The following DMAC2L variants were observed in gnomAD, a reference collection of about 807,000 sequenced individuals.
The protein encoded by DMAC2L is distal membrane arm assembly component 2 like.
Under a neutral mutation model 22.5 loss-of-function variants are expected in DMAC2L, and 21 were observed. The ratio of observed to expected loss-of-function variants is 0.93; its 90% confidence interval spans 0.66 to 1.34. DMAC2L has a LOEUF of 1.34. Among genes scored for constraint, DMAC2L ranks in the 40% most tolerant of loss-of-function variants. The probability of loss-of-function intolerance (pLI) is 0.00; values close to 1 mark genes in which losing one functional copy is unlikely to be tolerated. For synonymous variants in DMAC2L, 86 were observed against 89.5 expected, an observed-to-expected ratio of 0.96 and a Z score of 0.22; for missense variants, 239 against 246.5, an observed-to-expected ratio of 0.97 and a Z score of 0.20.
rs1326852613 is a variant in DMAC2L at position 50,325,720 on chromosome 14, G to A, written c.600G>A (p.Lys200=). The part of the protein sequence containing the change: ...LPSLELKLQL[K] ...CTCTGGAACTAAAATTACAATTGAAGTAAAATAATGTGTCTTATTTCAGTA... is the reference window on the plus strand; with the variant it reads ...CTCTGGAACTAAAATTACAATTGAAATAAAATAATGTGTCTTATTTCAGTA... Residue 200 remains lysine (K), a synonymous_variant, in exon 6 of 6, where the codon AAG becomes AAA. Coordinates refer to ENST00000557421, the MANE Select transcript of DMAC2L (RefSeq NM_001382507.1). The A allele has an allele frequency of 6.2e-7, 1 of 1,607,180 alleles. No individual in the cohort carries two copies. Among genetic ancestry groups the A allele is most frequent in the Admixed American group, 1.7e-5 (1 of 59,006 alleles).
chr14:50,324,122 T>C lies in DMAC2L; in HGVS notation c.488+6T>C. ...ATTGCTTTGCGTCATTTAAGGTAGA[T>C]GATCAAAGCCAAAGTGGAAACTTGA... is the stretch of plus-strand genomic sequence containing the variant. On this transcript the variant is annotated splice_donor_region_variant and intron_variant, in intron 5 of 5. Transcript: ENST00000557421. The C allele has an allele frequency of 6.2e-7, 1 of 1,601,258 alleles. No individual in the cohort carries two copies. Among genetic ancestry groups the C allele is most frequent in the Non-Finnish European group, 8.5e-7 (1 of 1,173,892 alleles).
chr14:50,311,971 G>T (rs577072351), upstream of DMAC2L: 9 of 1,543,328 alleles, frequency 5.8e-6, no homozygotes, highest in Non-Finnish European at 7.8e-6. Flanking sequence ...TCCGCGAGGG[G>T]CAGCAGCGCA....
intron 2 of DMAC2L, among the ~76,000 whole-genome samples, chr14:50,317,614 C>G (rs548389399): frequency 6.6e-6 from 1 of 152,070 alleles, no homozygotes; most frequent in Admixed American, 6.5e-5. Flanking sequence ...ACTAAAAATA[C>G]AAAAAATTAG....
At chr14:50,312,067 C>A (rs1435831233), upstream of DMAC2L, 6 of 1,599,222 alleles carry the variant, frequency 3.8e-6, no homozygotes, top group East Asian at 1.4e-4. Context: ...CAGACGCGAA[C>A]CCGCACGCCC....
intron 1 of DMAC2L, chr14:50,312,674 G>A (rs1049466682): frequency 8.6e-6 from 2 of 233,192 alleles, no homozygotes; most frequent in African/African-American, 2.5e-5. Context: ...GCTCGGCCCC[G>A]CACGCGGCCC....
chr14:50,321,522 G>C lies in DMAC2L; in HGVS notation c.35G>C (p.Cys12Ser). 6.2e-7 allele frequency: 1 copy of C among 1,614,108 alleles called. No individual in the cohort carries two copies. The highest frequency in any genetic ancestry group is 2.2e-5 in the East Asian group (1 of 44,870). The stretch of plus-strand genomic sequence containing the variant: ...TTTGGAAAAATTTCCCAGCAGTTGT[G>C]TGGCGTAAAGAAACTCCCATGGTCA... ...MPFGKISQQL[C>S]GVKKLPWSCD... The change falls in exon 3 of 6, where the codon TGT becomes TCT. Residue 12 changes from cysteine to serine, a missense_variant. By Grantham distance (112) the Cys-to-Ser change is moderately radical. Transcript: ENST00000557421.
At position 50,325,674 on chromosome 14, in the gene DMAC2L, C is replaced by G. The variant is rs2032666812; in HGVS notation, c.554C>G (p.Ala185Gly). ...GVREKENLVQ[A>G]FKTALPSLEL... ...AGAGAAAAAGAAAATCTTGTCCAAG[C>G]CTTTAAGACAGCACTGCCTTCTCTG... Residue 185 changes from alanine (A) to glycine (G), a missense_variant, in exon 6 of 6, where the codon GCC becomes GGC. Transcript: ENST00000557421. The G allele has an allele frequency of 2.5e-6, 4 of 1,612,768 alleles. No homozygotes were observed. In the African/African-American group the frequency reaches 4.0e-5, roughly 16 times the overall value.
At chr14:50,320,004 G>T (rs1312178883) in intron 2 of DMAC2L, among the ~76,000 whole-genome samples, 2 of 152,202 alleles carry the variant, frequency 1.3e-5, no homozygotes, top group Non-Finnish European at 2.9e-5. Flanking sequence ...CTGACTGGCT[G>T]TCCCATTCTG....
chr14:50,321,642 A>G lies in DMAC2L; in HGVS notation c.107+48A>G, dbSNP rs765633596. 11 of 1,385,124 alleles carry G rather than the reference A, an allele frequency of 7.9e-6. No individual in the cohort carries two copies. In the African/African-American group the frequency reaches 1.1e-4, roughly 14 times the overall value. The allele number at this position is 1,385,124 out of a possible 1,614,324, so 85.8% of individuals were successfully genotyped here. On this transcript the variant is annotated intron_variant, in intron 3 of 5. Transcript: ENST00000557421. ...AAGAAATGTGGAGATGGTTACAGCT[A>G]AATAAGTTCCCAATAGCTTGTTTGG...
chr14:50,312,378 C>T lies in DMAC2L; in HGVS notation c.-53C>T, dbSNP rs971213377. The T allele has an allele frequency of 1.8e-5, 11 of 603,112 alleles. No individual in the cohort carries two copies. Among genetic ancestry groups the T allele is most frequent in the Admixed American group, 3.0e-5 (1 of 33,654 alleles). The allele number at this position is 603,112 out of a possible 1,614,324, so 37.4% of individuals were successfully genotyped here. On this transcript the variant is annotated 5_prime_UTR_variant, in exon 1 of 6. Transcript: ENST00000557421. ...ACGCTGGCTCGCTCCCTCCCTCCCT[C>T]CCTCCGACGCTGTGAGTAGAGAAGC... is the stretch of plus-strand genomic sequence containing the variant.
chr14:50,326,703 A>G lies in DMAC2L; in HGVS notation c.*980A>G. On this transcript the variant is annotated 3_prime_UTR_variant, in exon 6 of 6. Transcript: ENST00000557421. Reference sequence around the variant, plus strand: ...TGCAGATTGCAATATAATAAAGGAAACAGTAAAAACTAGTGGGCTATGCTT... The same window carrying G: ...TGCAGATTGCAATATAATAAAGGAAGCAGTAAAAACTAGTGGGCTATGCTT... 3.0e-6 allele frequency: 3 copies of G among 985,452 alleles called. No individual in the cohort carries two copies. The highest frequency in any genetic ancestry group is 3.6e-6 in the Non-Finnish European group (3 of 829,936). The allele number at this position is 985,452 out of a possible 1,614,324, so 61.0% of individuals were successfully genotyped here.
intron 1 of DMAC2L, 119 bp from the exon 2 acceptor site, chr14:50,314,472 T>C: frequency 2.2e-6 from 1 of 452,732 alleles, no homozygotes; most frequent in South Asian, 1.6e-5. Context: ...TACAAGTACA[T>C]TCAACTGTTC....
chr14:50,322,441 T>C, intron 3 of DMAC2L, 70 bp from the exon 4 acceptor site: 1 of 1,450,754 alleles, frequency 6.9e-7, no homozygotes, highest in Non-Finnish European at 9.3e-7. Context: ...GTATTATTTA[T>C]GTCAGTTAAT....
intron 1 of DMAC2L, among the ~76,000 whole-genome samples, chr14:50,313,239 T>C (rs2031423013): frequency 6.6e-6 from 1 of 152,200 alleles, no homozygotes; most frequent in South Asian, 2.1e-4. Flanking sequence ...AATAGAATTA[T>C]ACAGATTTAT....
At chr14:50,312,417 G>T in intron 1 of DMAC2L, 28 bp downstream of exon 1, 1 of 533,688 alleles carries the variant, frequency 1.9e-6, no homozygotes, top group Non-Finnish European at 3.4e-6. Flanking sequence ...GCCCCGAGCC[G>T]GGCGGGACTA....
rs756956332 is a variant in DMAC2L, at chr14:50,322,600, G to T, written c.197G>T (p.Gly66Val). 6.2e-6 allele frequency: 10 copies of T among 1,614,086 alleles called. No individual in the cohort carries two copies. In the Admixed American group the frequency reaches 1.7e-4, roughly 27 times the overall value. ...TGTGGGGCCATGGTGCGCTACCATG[G>T]CCAGGAGAGGTGGCAGAAGGACTAC... The part of the protein sequence containing the change: ...LRCGAMVRYH[G>V]QERWQKDYNH... The change falls in exon 4 of 6, where the codon GGC becomes GTC. Residue 66 changes from glycine (G) to valine (V), a missense_variant. Transcript: ENST00000557421.
At chr14:50,311,805 C>T (rs2031216568), upstream of DMAC2L, among the ~76,000 whole-genome samples, 1 of 152,220 alleles carries the variant, frequency 6.6e-6, no homozygotes, top group South Asian at 2.1e-4. Flanking sequence ...GACCTCTACT[C>T]TATACACTGC....
intron 2 of DMAC2L, chr14:50,319,135 A>G (rs2032056778): frequency 2.0e-6 from 3 of 1,512,476 alleles, no homozygotes; most frequent in Middle Eastern, 1.7e-4. Flanking sequence ...AGAAGCTGGG[A>G]AAGCCCATAT....
chr14:50,319,506 A>G (rs2032092430), intron 2 of DMAC2L, among the ~76,000 whole-genome samples: 1 of 152,230 alleles, frequency 6.6e-6, no homozygotes, highest in African/African-American at 2.4e-5. Context: ...GCCACCAATT[A>G]GTCATGAAAC....
Sources: allele counts gnomAD v4.1 joint callset (sites outside exome capture counted in the v4.1 genomes callset), GRCh38; gene constraint gnomAD v4.1.1; transcripts MANE v1.5; gene names NCBI Gene and HGNC (gene_info 2026-07-23, HGNC 2026-07-21).